SNX27: variants seen among roughly 807,000 people sequenced by gnomAD.
SNX27 encodes the protein sorting nexin-27.
A neutral mutation model predicts 71.6 loss-of-function variants in SNX27; 22 were observed. The observed-to-expected ratio is 0.31, with a 90% CI of 0.22 to 0.44. SNX27 has a LOEUF of 0.44. SNX27 is among the 20% of genes least tolerant of loss of function. SNX27 has a pLI of 1.00. For synonymous variants in SNX27, 269 were observed against 277.2 expected, an observed-to-expected ratio of 0.97 and a Z score of 0.29; for missense variants, 531 against 698.6, an observed-to-expected ratio of 0.76 and a Z score of 2.70.
intron 2 of SNX27, among the ~76,000 whole-genome samples, chr1:151,641,796 TAAG>T: frequency 7.0e-6 from 1 of 141,880 alleles, no homozygotes; most frequent in Non-Finnish European, 1.5e-5. Flanking sequence ...ATGAGATATA[TAAG>T]ATATAGATAT....
intron 2 of SNX27, among the ~76,000 whole-genome samples, chr1:151,654,113 G>A (rs1291788036): frequency 2.0e-5 from 3 of 152,224 alleles, no homozygotes; most frequent in Non-Finnish European, 4.4e-5. Context: ...TTACAGGCGT[G>A]AGCCACCGTG....
At position 151,672,574 on chromosome 1, in the gene SNX27, A is replaced by T. The variant is rs191655853; in HGVS notation, c.1149+3939A>T. ...AATAGTTTGCCTAGAATTGGTATTA[A>T]TTCTTCTTTAAATGTCTGATAGAAT... On this transcript the variant is annotated intron_variant, in intron 7 of 11. Transcript: ENST00000458013. Among the ~76,000 whole-genome samples, 10 of 152,148 alleles carry T rather than the reference A, an allele frequency of 6.6e-5. No individual in the cohort carries two copies. In the East Asian group the frequency reaches 1.9e-3, roughly 29 times the overall value.
At chr1:151,646,312 A>T (rs113016762) in intron 2 of SNX27, among the ~76,000 whole-genome samples, 1 of 152,026 alleles carries the variant, frequency 6.6e-6, no homozygotes, top group Non-Finnish European at 1.5e-5. Context: ...CAGTCTGGCA[A>T]TGTTTTTATT....
At chr1:151,651,142 C>T (rs1329996593) in intron 2 of SNX27, among the ~76,000 whole-genome samples, 10 of 151,944 alleles carry the variant, frequency 6.6e-5, no homozygotes, top group African/African-American at 2.2e-4. Context: ...GGGTGGTGGC[C>T]GGGCAGAGGG....
chr1:151,639,388 G>A (rs905010443), intron 2 of SNX27, among the ~76,000 whole-genome samples: 3 of 152,102 alleles, frequency 2.0e-5, no homozygotes, highest in African/African-American at 2.4e-5. Flanking sequence ...TGTCGTAAAC[G>A]TGTGAGTTTT....
intron 2 of SNX27, among the ~76,000 whole-genome samples, chr1:151,641,364 G>C (rs997850869): frequency 3.3e-5 from 5 of 151,722 alleles, no homozygotes; most frequent in Non-Finnish European, 7.4e-5. Flanking sequence ...GATATTTTCA[G>C]TCTTTTTAAT....
chr1:151,651,409 G>A (rs1462893048), intron 2 of SNX27, among the ~76,000 whole-genome samples: 13 of 151,728 alleles, frequency 8.6e-5, no homozygotes, highest in Non-Finnish European at 1.5e-4. Context: ...CCCGGACGGG[G>A]TGGCTGCCGG....
At position 151,662,258 on chromosome 1, in the gene SNX27, C is replaced by A; in HGVS notation, c.894C>A (p.Asp298Glu). 6.2e-7 allele frequency: 1 copy of A among 1,605,732 alleles called. No homozygotes were observed. Among genetic ancestry groups the A allele is most frequent in the Non-Finnish European group, 8.5e-7 (1 of 1,172,810 alleles). Reference sequence around the variant, plus strand: ...GGGTTAAAAAGAACAGTACTACAGACCAAGTATATCAGGTAAATTAAATGA... The same window carrying A: ...GGGTTAAAAAGAACAGTACTACAGAACAAGTATATCAGGTAAATTAAATGA... ...TVRVKKNSTT[D>E]QVYQAIAAKV... The change falls in exon 5 of 12, where the codon GAC becomes GAA. Residue 298 changes from aspartate (D) to glutamate (E), a missense_variant. Around this residue, in one of 5 missense-constraint regions of SNX27, gnomAD observed 184 missense variants for 289.6 expected, o/e 0.64. Transcript: ENST00000458013.
chr1:151,614,617 C>A (rs1250880167), intron 1 of SNX27, among the ~76,000 whole-genome samples: 1 of 152,188 alleles, frequency 6.6e-6, no homozygotes, highest in Non-Finnish European at 1.5e-5. Context: ...TTTCAGATTT[C>A]TTATACTTGG....
At chr1:151,670,306 C>T in intron 7 of SNX27, among the ~76,000 whole-genome samples, 1 of 152,162 alleles carries the variant, frequency 6.6e-6, no homozygotes, top group Non-Finnish European at 1.5e-5. Flanking sequence ...TTGATGGATG[C>T]TTAAGTTGCT....
chr1:151,622,093 A>G (rs1381718896), intron 1 of SNX27, among the ~76,000 whole-genome samples: 2 of 152,230 alleles, frequency 1.3e-5, no homozygotes, highest in Non-Finnish European at 2.9e-5. Context: ...GGAATGGACT[A>G]CAGACTTACA....
chr1:151,681,445 T>C (rs1357624801), intron 7 of SNX27, among the ~76,000 whole-genome samples: 4 of 151,826 alleles, frequency 2.6e-5, no homozygotes, highest in Non-Finnish European at 5.9e-5. Context: ...GGTTTCACCA[T>C]GTTAGCCAGG....
chr1:151,681,254 T>TTTTTTG, intron 7 of SNX27, among the ~76,000 whole-genome samples: 1 of 135,872 alleles, frequency 7.4e-6, no homozygotes. Flanking sequence ...TTTTTTTTTT[T>TTTTTTG]TTTTTGCGAT....
At chr1:151,623,844 CAAAAT>C (rs1667790417) in intron 1 of SNX27, among the ~76,000 whole-genome samples, 2 of 152,246 alleles carry the variant, frequency 1.3e-5, no homozygotes, top group African/African-American at 4.8e-5. Flanking sequence ...CCTATCCAGA[CAAAAT>C]AAATCAGTGT....
At chr1:151,681,386 C>T (rs1040683360) in intron 7 of SNX27, among the ~76,000 whole-genome samples, 7 of 151,514 alleles carry the variant, frequency 4.6e-5, no homozygotes, top group East Asian at 1.9e-4. Flanking sequence ...GGACTACAGG[C>T]GCCTGCCACC....
intron 5 of SNX27, among the ~76,000 whole-genome samples, 189 bp from the exon 6 acceptor site, chr1:151,665,744 A>G (rs1400723250): frequency 3.3e-5 from 5 of 152,146 alleles, no homozygotes; most frequent in African/African-American, 1.2e-4. Context: ...TCTTTCATAT[A>G]TATGTATGCG....
rs1429131982 is a variant in SNX27 at position 151,696,656 on chromosome 1, T to G, written c.*2239T>G. 4 of 60,334 alleles carry G rather than the reference T, an allele frequency of 6.6e-5. No individual in the cohort carries two copies. The highest frequency in any genetic ancestry group is 9.5e-5 in the Non-Finnish European group (3 of 31,658). The allele number at this position is 60,334 out of a possible 1,614,324, so 3.7% of individuals were successfully genotyped here. A position where few individuals can be genotyped will look rare whatever the true frequency, so the allele number is the denominator to read the frequency against. ...TCCTTCCTTCCTTTTTTTCTGTTTT[T>G]TTTTTTTTTTTTTCCCAGAGTCTTG... On this transcript the variant is annotated 3_prime_UTR_variant, in exon 12 of 12. Transcript: ENST00000458013.
intron 1 of SNX27, among the ~76,000 whole-genome samples, chr1:151,616,250 T>C (rs1411901241): frequency 1.3e-5 from 2 of 152,186 alleles, no homozygotes; most frequent in Middle Eastern, 6.3e-3. Flanking sequence ...TTCAGGTTAA[T>C]TTTCTTAAGG....
chr1:151,623,474 C>G (rs1470632558), intron 1 of SNX27, among the ~76,000 whole-genome samples: 1 of 152,052 alleles, frequency 6.6e-6, no homozygotes, highest in Non-Finnish European at 1.5e-5. Flanking sequence ...CCATGTTGGC[C>G]AGTCTGGTCT....
Sources: gnomAD v4.1 joint callset for allele counts (sites outside exome capture counted in the v4.1 genomes callset) on GRCh38, gnomAD v4.1.1 for gene constraint, gnomAD v4.1.1 regional missense constraint, MANE v1.5 for transcripts, NCBI Gene and HGNC (gene_info 2026-07-23, HGNC 2026-07-21) for gene names.